The following CMTM4 variants were observed in gnomAD, a reference collection of about 807,000 sequenced individuals.
CMTM4 encodes the protein CKLF-like MARVEL transmembrane domain-containing protein 4.
In CMTM4, 8 loss-of-function variants were observed where a neutral mutation model predicts 19.0. That is an observed-to-expected ratio of 0.42 (90% CI 0.25 to 0.76). The LOEUF (loss-of-function observed/expected upper bound fraction) is 0.76. Among genes scored for constraint, CMTM4 ranks in the 30% least tolerant of loss-of-function variants. The pLI is 0.27. For missense variants in CMTM4, 228 were observed against 290.2 expected (o/e 0.79, Z 1.56); for synonymous variants, 106 against 121.1 (o/e 0.88, Z 0.82).
At chr16:66,645,214 G>A (rs1352430083) in intron 1 of CMTM4, among the ~76,000 whole-genome samples, 1 of 152,004 alleles carries the variant, frequency 6.6e-6, no homozygotes, top group Admixed American at 6.6e-5. Flanking sequence ...AACCTGGGAG[G>A]CGGAGGTTGC....
intron 1 of CMTM4, among the ~76,000 whole-genome samples, chr16:66,679,913 C>T (rs993149723): frequency 2.6e-5 from 4 of 151,884 alleles, no homozygotes; most frequent in Non-Finnish European, 5.9e-5. Flanking sequence ...CAAACTCACA[C>T]GGGGGCTCTG....
chr16:66,636,611 C>T (rs1283503728), intron 1 of CMTM4, 30 bp from the exon 2 acceptor site: 2 of 1,585,090 alleles, frequency 1.3e-6, no homozygotes, highest in East Asian at 2.2e-5. Flanking sequence ...CATATATGTA[C>T]GTATATGTTT....
At chr16:66,689,779 CCT>C (rs1455366320) in intron 1 of CMTM4, among the ~76,000 whole-genome samples, 1 of 152,078 alleles carries the variant, frequency 6.6e-6, no homozygotes, top group Non-Finnish European at 1.5e-5. Flanking sequence ...CCTTTTTGTT[CCT>C]GGGATAAATC....
In CMTM4 at chr16:66,696,006, C is replaced by T. The variant is rs1396795533; in HGVS notation, c.186+334G>A. Among the ~76,000 whole-genome samples, 3 of 152,198 alleles carry T rather than the reference C, an allele frequency of 2.0e-5. No homozygotes were observed. Among genetic ancestry groups the T allele is most frequent in the Non-Finnish European group, 4.4e-5 (3 of 68,038 alleles). ...CACAGGTTGCTAAGACCAGCTGTAC[C>T]CAGGAGACAGCAGGATTCCCAGCAG... On this transcript the variant is annotated intron_variant, in intron 1 of 3. Transcript: ENST00000394106. The surrounding 1 kb of genome is among the most constrained non-coding windows in gnomAD (Gnocchi z 4.3).
intron 1 of CMTM4, among the ~76,000 whole-genome samples, chr16:66,643,607 G>A (rs1167641671): frequency 6.6e-6 from 1 of 152,166 alleles, no homozygotes; most frequent in Non-Finnish European, 1.5e-5. Flanking sequence ...AAAATACTCA[G>A]TAATGTAGTG....
At chr16:66,602,305 G>A in the CMTM4 span, among the ~76,000 whole-genome samples, 2 of 152,128 alleles carry the variant, frequency 1.3e-5, no homozygotes, top group African/African-American at 2.4e-5. Context: ...ACTGAGGCAT[G>A]AGAATCCCTT....
At chr16:66,640,003 G>A (rs2016069797) in intron 1 of CMTM4, among the ~76,000 whole-genome samples, 1 of 152,044 alleles carries the variant, frequency 6.6e-6, no homozygotes, top group Admixed American at 6.6e-5. Context: ...GGGTGACAGA[G>A]TGAGACTCTA....
chr16:66,646,724 T>G (rs1008533799), intron 1 of CMTM4, among the ~76,000 whole-genome samples: 18 of 151,670 alleles, frequency 1.2e-4, no homozygotes, highest in East Asian at 1.2e-3. Flanking sequence ...TTTTTTTTTT[T>G]GGGACACAGT....
At chr16:66,689,112 G>A (rs1382146782) in intron 1 of CMTM4, among the ~76,000 whole-genome samples, 1 of 152,062 alleles carries the variant, frequency 6.6e-6, no homozygotes, top group East Asian at 1.9e-4. Context: ...TTTCTGATCT[G>A]TACGTCTCCT....
chr16:66,656,185 T>G (rs72790478), intron 1 of CMTM4, among the ~76,000 whole-genome samples: 6,459 of 152,122 alleles, frequency 0.042, 259 homozygotes, highest in East Asian at 0.15. Context: ...ACTCATGAGT[T>G]CATACAAATT....
At chr16:66,634,772 A>C (rs1347755704) in intron 2 of CMTM4, among the ~76,000 whole-genome samples, 1 of 148,146 alleles carries the variant, frequency 6.8e-6, no homozygotes, top group Non-Finnish European at 1.5e-5. Context: ...AAAACCCTGC[A>C]AAAAAAAAAA....
chr16:66,623,910 T>C (rs1028044984), intron 2 of CMTM4, among the ~76,000 whole-genome samples: 1 of 152,206 alleles, frequency 6.6e-6, no homozygotes, highest in Non-Finnish European at 1.5e-5. Context: ...ACATGTGACA[T>C]TCAAAACAAA....
intron 1 of CMTM4, among the ~76,000 whole-genome samples, chr16:66,642,543 T>C (rs1330111845): frequency 6.6e-6 from 1 of 152,016 alleles, no homozygotes. Context: ...GTGAAACCCC[T>C]GTCTCTACTA....
At chr16:66,630,010 T>A (rs2015817889) in intron 2 of CMTM4, among the ~76,000 whole-genome samples, 1 of 152,032 alleles carries the variant, frequency 6.6e-6, no homozygotes, top group African/African-American at 2.4e-5. Flanking sequence ...GTCCTGTGAG[T>A]CACTGCAGAA....
chr16:66,683,149 A>ATACATG (rs1555502487), intron 1 of CMTM4, among the ~76,000 whole-genome samples: 1,433 of 126,846 alleles, frequency 0.011, 34 homozygotes, highest in East Asian at 0.054. Context: ...ATATATATGT[A>ATACATG]TATATATATA....
chr16:66,604,968 C>A, the CMTM4 span: 5 of 1,481,726 alleles, frequency 3.4e-6, no homozygotes, highest in Non-Finnish European at 4.4e-6. Flanking sequence ...TGCGGCGGGA[C>A]CCTCGGCCGC....
At chr16:66,624,054 T>A (rs1380806747) in intron 2 of CMTM4, among the ~76,000 whole-genome samples, 1 of 152,226 alleles carries the variant, frequency 6.6e-6, no homozygotes, top group East Asian at 1.9e-4. Context: ...TTTCACAGAT[T>A]TAGCTCGTCT....
chr16:66,683,377 C>T (rs201843107), intron 1 of CMTM4, among the ~76,000 whole-genome samples: 4 of 144,072 alleles, frequency 2.8e-5, no homozygotes, highest in East Asian at 4.1e-4. Context: ...CTGCAAGCTC[C>T]GCCTCCTGGG....
rs561594521 is a variant in CMTM4 at position 66,620,361 on chromosome 16, C to G, written c.*1697G>C. 1.6e-4 allele frequency: 158 copies of G among 985,402 alleles called. No homozygotes were observed. The highest frequency in any genetic ancestry group is 1.8e-4 in the Non-Finnish European group (153 of 829,990). The allele number at this position is 985,402 out of a possible 1,614,324, so 61.0% of individuals were successfully genotyped here. A position where few individuals can be genotyped will look rare whatever the true frequency, so the allele number is the denominator to read the frequency against. On this transcript the variant is annotated 3_prime_UTR_variant, in exon 4 of 4. Coordinates refer to ENST00000394106, the MANE Select transcript of CMTM4 (RefSeq NM_181521.3). Reference sequence around the variant, plus strand: ...GGGAGACGAGTTGTTAACAGGCTAGCAGGGTCAGCCCCTGAGGCAGACGTG... The same window carrying G: ...GGGAGACGAGTTGTTAACAGGCTAGGAGGGTCAGCCCCTGAGGCAGACGTG...
Sources: gnomAD v4.1 joint callset for allele counts (sites outside exome capture counted in the v4.1 genomes callset) on GRCh38, gnomAD v4.1.1 for gene constraint, Gnocchi (gnomAD v3.1) non-coding constraint, MANE v1.5 for transcripts, NCBI Gene and HGNC (gene_info 2026-07-23, HGNC 2026-07-21) for gene names.